Variants in VAPA observed in about 807,000 individuals in gnomAD.
VAPA encodes vesicle-associated membrane protein-associated protein A.
A neutral mutation model predicts 25.6 loss-of-function variants in VAPA; 6 were observed. That is an observed-to-expected ratio of 0.23 (90% confidence interval 0.13 to 0.46). The LOEUF is 0.46. Among genes scored for constraint, VAPA ranks in the 20% least tolerant of loss-of-function variants. VAPA has a pLI of 0.99. For synonymous variants in VAPA, 112 were observed against 106.2 expected (o/e 1.05, Z -0.34); for missense variants, 244 against 302.1 (o/e 0.81, Z 1.43).
intron 4 of VAPA, among the ~76,000 whole-genome samples, chr18:9,937,563 T>C (rs1467298536): frequency 2.0e-5 from 3 of 152,182 alleles, no homozygotes; most frequent in African/African-American, 7.2e-5. Context: ...TGCTTACTCA[T>C]TAGTGTAAGT....
At chr18:9,919,247 T>TA (rs1312743988) in intron 1 of VAPA, among the ~76,000 whole-genome samples, 5 of 152,240 alleles carry the variant, frequency 3.3e-5, no homozygotes, top group African/African-American at 1.2e-4. Flanking sequence ...ATCTAATAAT[T>TA]AAAATCTGTG....
chr18:9,929,958 A>G (rs556599829), intron 1 of VAPA, among the ~76,000 whole-genome samples: 24 of 152,150 alleles, frequency 1.6e-4, no homozygotes, highest in Non-Finnish European at 2.2e-4. Flanking sequence ...AAAGCCCACT[A>G]TCTGTATTGA....
At position 9,914,147 on chromosome 18, in the gene VAPA, C is replaced by T; in HGVS notation, c.-110C>T. On this transcript the variant is annotated 5_prime_UTR_variant, in exon 1 of 6. Transcript: ENST00000400000. ...GGCAGGCGTTAGGGCTCGGGAGCCGCGAGCCTGGCCTCGTCCTAGAGCTCG... is the reference window on the plus strand; with the variant it reads ...GGCAGGCGTTAGGGCTCGGGAGCCGTGAGCCTGGCCTCGTCCTAGAGCTCG... 1 of 952,130 alleles carries T rather than the reference C, an allele frequency of 1.1e-6. No homozygotes were observed. Among genetic ancestry groups the T allele is most frequent in the Non-Finnish European group, 1.5e-6 (1 of 665,526 alleles). 59.0% of individuals were successfully genotyped at this position (952,130 alleles called of 1,614,324 possible).
chr18:9,954,279 A>C lies in VAPA; in HGVS notation c.*68A>C. 1 of 1,441,016 alleles carries C rather than the reference A, an allele frequency of 6.9e-7. No homozygotes were observed. Among genetic ancestry groups the C allele is most frequent in the South Asian group, 1.3e-5 (1 of 77,588 alleles). 89.3% of individuals were successfully genotyped at this position (1,441,016 alleles called of 1,614,324 possible). The stretch of plus-strand genomic sequence containing the variant: ...TGACCAGAAAAAGATTTGTTTACCT[A>C]CCATTTCATTGGTAGTATGGCCCAC... On this transcript the variant is annotated 3_prime_UTR_variant, in exon 6 of 6. Transcript: ENST00000400000.
At chr18:9,944,103 C>A (rs990042657) in intron 4 of VAPA, among the ~76,000 whole-genome samples, 2 of 151,838 alleles carry the variant, frequency 1.3e-5, no homozygotes, top group African/African-American at 4.8e-5. Flanking sequence ...CCCGCCTTGG[C>A]CTCCCAAAGT....
intron 4 of VAPA, among the ~76,000 whole-genome samples, chr18:9,940,735 A>T (rs2069358794): frequency 6.6e-6 from 1 of 152,166 alleles, no homozygotes; most frequent in African/African-American, 2.4e-5. Context: ...TATGACTTTG[A>T]TGGCTCACTG....
chr18:9,916,041 T>G (rs1277015075), intron 1 of VAPA, among the ~76,000 whole-genome samples: 1 of 152,228 alleles, frequency 6.6e-6, no homozygotes, highest in Non-Finnish European at 1.5e-5. Context: ...AGTGAACATT[T>G]CCTCTACTGG....
At chr18:9,943,851 T>A (rs1319757736) in intron 4 of VAPA, among the ~76,000 whole-genome samples, 2,559 of 53,626 alleles carry the variant, frequency 0.048, 120 homozygotes, top group African/African-American at 0.19. Flanking sequence ...CTTTTTTTTT[T>A]TTTTTTTTTT....
At chr18:9,938,159 G>GA (rs1348970066) in intron 4 of VAPA, among the ~76,000 whole-genome samples, 1 of 151,986 alleles carries the variant, frequency 6.6e-6, no homozygotes, top group Non-Finnish European at 1.5e-5. Flanking sequence ...TTGAAACCAA[G>GA]AAAACAAAAC....
rs749775361 is a variant in VAPA at position 9,955,844 on chromosome 18, A to G, written c.*1633A>G. 8 of 152,184 alleles carry G rather than the reference A, an allele frequency of 5.3e-5. No homozygotes were observed. The highest frequency in any genetic ancestry group is 1.7e-4 in the African/African-American group (7 of 41,440). 9.4% of individuals were successfully genotyped at this position (152,184 alleles called of 1,614,324 possible). A position where few individuals can be genotyped will look rare whatever the true frequency, so the allele number is the denominator to read the frequency against. On this transcript the variant is annotated 3_prime_UTR_variant, in exon 6 of 6. Transcript: ENST00000400000. ...AATGCCTATCCATTACTAGCATGCT[A>G]TGCTGCATGCTTTACTGCCATTGCT...
At position 9,944,934 on chromosome 18, in the gene VAPA, C is replaced by T. The variant is rs375895121; in HGVS notation, c.418-5461C>T. ...CCCATGCCATCTCAGGGTATAACTC[C>T]ACCAGGGAATGCTCCGACTGTCACT... On this transcript the variant is annotated intron_variant, in intron 4 of 5. Coordinates refer to ENST00000400000, the MANE Select transcript of VAPA (RefSeq NM_194434.3). The T allele has an allele frequency of 6.8e-6, 11 of 1,613,936 alleles. No homozygotes were observed. Among genetic ancestry groups the T allele is most frequent in the African/African-American group, 6.7e-5 (5 of 74,924 alleles).
intron 4 of VAPA, chr18:9,945,084 TAGG>T (rs71849777): frequency 0.06 from 96,146 of 1,611,770 alleles, 3,568 homozygotes; most frequent in African/African-American, 0.13. Context: ...TTAACAGACT[TAGG>T]AGTCTACTAG....
rs1022194310 is a variant in VAPA at position 9,932,062 on chromosome 18, C to G, written c.232+100C>G. The G allele has an allele frequency of 4.7e-6, 4 of 849,972 alleles. No homozygotes were observed. In the African/African-American group the frequency reaches 5.2e-5, roughly 11 times the overall value. 52.7% of individuals were successfully genotyped at this position (849,972 alleles called of 1,614,324 possible). ...TTCATCTGGAGGGAGGGAAATAATT[C>G]TTATATTATTCTGGTTTTGCCTTTA... On this transcript the variant is annotated intron_variant, in intron 2 of 5. Transcript: ENST00000400000.
chr18:9,937,857 A>T (rs181539936), intron 4 of VAPA, among the ~76,000 whole-genome samples: 1 of 152,194 alleles, frequency 6.6e-6, no homozygotes, highest in East Asian at 1.9e-4. Context: ...CATTTGCTCT[A>T]TTGAAAAGTA....
chr18:9,948,374 ATATT>A (rs753356311), intron 4 of VAPA: 6 of 152,218 alleles, frequency 3.9e-5, no homozygotes, highest in African/African-American at 7.2e-5. Context: ...ATAGAATAGA[ATATT>A]TAATGACATG....
intron 5 of VAPA, chr18:9,951,308 T>C (rs2069487597): frequency 6.6e-6 from 1 of 152,306 alleles, no homozygotes; most frequent in South Asian, 2.1e-4. Context: ...ATACACACAT[T>C]GACGTTTTGC....
At chr18:9,949,402 A>G (rs752791926) in intron 4 of VAPA, 16 of 152,172 alleles carry the variant, frequency 1.1e-4, no homozygotes, top group Non-Finnish European at 2.2e-4. Context: ...TCCCCTTCAT[A>G]AGAATAACAA....
chr18:9,946,309 A>G (rs916528198), intron 4 of VAPA, among the ~76,000 whole-genome samples: 5 of 152,332 alleles, frequency 3.3e-5, no homozygotes, highest in South Asian at 2.1e-4. Context: ...AGACTTGTAT[A>G]GCCTGTGGCT....
Position 9,958,226 on chromosome 18 carries a change from T to C in VAPA, c.*4015T>C, listed in dbSNP as rs879071556. On this transcript the variant is annotated 3_prime_UTR_variant, in exon 6 of 6. Coordinates refer to ENST00000400000, the MANE Select transcript of VAPA (RefSeq NM_194434.3). ...TTTCTGTGGTTTATTGAAAACCAAGTATAAATGTGACTAAAAGCATTTTGC... is the reference window on the plus strand; with the variant it reads ...TTTCTGTGGTTTATTGAAAACCAAGCATAAATGTGACTAAAAGCATTTTGC... 4 of 152,382 alleles carry C rather than the reference T, an allele frequency of 2.6e-5. No individual in the cohort carries two copies. In the South Asian group the frequency reaches 8.3e-4, roughly 32 times the overall value. The allele number at this position is 152,382 out of a possible 1,614,324, so 9.4% of individuals were successfully genotyped here.
Sources: allele counts gnomAD v4.1 joint callset (sites outside exome capture counted in the v4.1 genomes callset), GRCh38; gene constraint gnomAD v4.1.1; transcripts MANE v1.5; gene names NCBI Gene and HGNC (gene_info 2026-07-23, HGNC 2026-07-21).